The following PTPRG variants were observed in gnomAD, a reference collection of about 807,000 sequenced individuals.
PTPRG encodes the protein protein tyrosine phosphatase receptor type G.
In PTPRG, 102 loss-of-function variants were observed where a neutral mutation model predicts 165.3. That is an observed-to-expected ratio of 0.62 (90% CI 0.53 to 0.73). The LOEUF (loss-of-function observed/expected upper bound fraction) is 0.73. Ranked by LOEUF, PTPRG falls within the 30% of genes least tolerant of loss-of-function variation. The pLI, the probability that PTPRG is intolerant of heterozygous loss-of-function variation, is 0.00. For synonymous variants in PTPRG, 675 were observed against 669.5 expected (o/e 1.01, Z -0.13); for missense variants, 1,866 against 1,861.4 (o/e 1.00, Z -0.05).
Position 61,748,932 on chromosome 3 carries a change from T to C in PTPRG, c.140T>C (p.Val47Ala). ...ALHENRHGSA[V>A]QIRRRKASGD... ...CACGAGAATAGACACGGCAGCGCAGTGCAGATCCGCAGGCGCAAGGCTTCA... is the reference window on the plus strand; with the variant it reads ...CACGAGAATAGACACGGCAGCGCAGCGCAGATCCGCAGGCGCAAGGCTTCA... The change falls in exon 2 of 30, where the codon GTG becomes GCG. Residue 47 changes from valine to alanine, a missense_variant. By Grantham distance (64) the Val-to-Ala change is moderately conservative. Transcript: ENST00000474889. The C allele has an allele frequency of 6.2e-7, 1 of 1,612,970 alleles. No individual in the cohort carries two copies.
At chr3:62,082,921 A>G (rs749006927) in intron 5 of PTPRG, among the ~76,000 whole-genome samples, 5 of 152,194 alleles carry the variant, frequency 3.3e-5, no homozygotes, top group Non-Finnish European at 7.3e-5. Context: ...AGGAAGGATC[A>G]CCTTTTTCTA....
At chr3:61,918,725 T>C (rs1220505833) in intron 2 of PTPRG, among the ~76,000 whole-genome samples, 1 of 152,228 alleles carries the variant, frequency 6.6e-6, no homozygotes, top group Non-Finnish European at 1.5e-5. Flanking sequence ...ACAGGTGGAC[T>C]GGGGAGCGGT....
intron 6 of PTPRG, among the ~76,000 whole-genome samples, chr3:62,144,661 C>T (rs1408991991): frequency 1.3e-5 from 2 of 152,160 alleles, no homozygotes; most frequent in East Asian, 1.9e-4. Flanking sequence ...TATCAGAACA[C>T]GTTTGATCTC....
chr3:61,568,681 G>A (rs966973124), intron 1 of PTPRG, among the ~76,000 whole-genome samples: 8 of 151,978 alleles, frequency 5.3e-5, no homozygotes, highest in Admixed American at 2.6e-4. Context: ...AGGCCCAGGC[G>A]GACGGAACAT....
chr3:62,033,456 C>T (rs1340587172), intron 4 of PTPRG, among the ~76,000 whole-genome samples: 10 of 151,238 alleles, frequency 6.6e-5, no homozygotes, highest in Non-Finnish European at 1.5e-4. Context: ...CTCAACCTCC[C>T]GGGCCCAAGT....
chr3:62,100,750 G>A (rs995482140), intron 5 of PTPRG, among the ~76,000 whole-genome samples: 9 of 152,206 alleles, frequency 5.9e-5, no homozygotes, highest in African/African-American at 1.7e-4. Context: ...TATGGAATAC[G>A]TAGCAGGAGG....
chr3:61,895,731 C>G (rs771231347), intron 2 of PTPRG, among the ~76,000 whole-genome samples: 1 of 152,102 alleles, frequency 6.6e-6, no homozygotes, highest in African/African-American at 2.4e-5. Flanking sequence ...AATGAAGTTT[C>G]CTATTTAGTG....
At position 62,203,550 on chromosome 3, in the gene PTPRG, A is replaced by G; in HGVS notation, c.1755A>G (p.Lys585=). Residue 585 remains lysine (K), a synonymous_variant, in exon 12 of 30, where the codon AAA becomes AAG. Transcript: ENST00000474889. This position sits in a 1 kb window ranked among gnomAD's most constrained non-coding sequence, Gnocchi z 6.4. ...EGTEEGEKDE[K]SESEDGEREH... is the part of the protein sequence containing the mutation. ...CCGAGGAAGGAGAGAAGGATGAGAA[A>G]AGCGAGAGTGAGGATGGGGAGCGGG... 1 of 1,553,108 alleles carries G rather than the reference A, an allele frequency of 6.4e-7. No homozygotes were observed. Among genetic ancestry groups the G allele is most frequent in the Non-Finnish European group, 8.7e-7 (1 of 1,147,580 alleles).
intron 1 of PTPRG, among the ~76,000 whole-genome samples, chr3:61,621,354 A>C (rs987935322): frequency 2.6e-5 from 4 of 152,064 alleles, no homozygotes; most frequent in Non-Finnish European, 4.4e-5. Context: ...CTTAACCTTG[A>C]AACTTTACTG....
intron 6 of PTPRG, among the ~76,000 whole-genome samples, chr3:62,147,425 C>T (rs1576062688): frequency 6.6e-6 from 1 of 152,076 alleles, no homozygotes; most frequent in East Asian, 1.9e-4. Flanking sequence ...TTGACGGGGC[C>T]CTTTGCTGTG....
At chr3:61,611,466 A>G (rs780143629) in intron 1 of PTPRG, among the ~76,000 whole-genome samples, 1 of 152,242 alleles carries the variant, frequency 6.6e-6, no homozygotes, top group East Asian at 1.9e-4. Context: ...TGGGGACTTT[A>G]TGTATGTTGT....
chr3:62,270,801 A>C (rs1391554216), intron 20 of PTPRG, among the ~76,000 whole-genome samples: 3 of 152,224 alleles, frequency 2.0e-5, no homozygotes, highest in African/African-American at 7.2e-5. Context: ...AAGTAGTTAA[A>C]ATGTAAAAAG....
intron 1 of PTPRG, among the ~76,000 whole-genome samples, chr3:61,711,235 TG>T (rs2031538087): frequency 6.6e-6 from 1 of 152,350 alleles, no homozygotes; most frequent in Non-Finnish European, 1.5e-5. Flanking sequence ...TAGACATATG[TG>T]TGCATGTGTC....
chr3:61,691,481 G>A (rs995284897), intron 1 of PTPRG, among the ~76,000 whole-genome samples: 6 of 152,162 alleles, frequency 3.9e-5, no homozygotes, highest in Non-Finnish European at 7.3e-5. Flanking sequence ...TATATATGAG[G>A]ATCAGGACCA....
At position 61,562,335 on chromosome 3, in the gene PTPRG, C is replaced by A. The variant is rs375586923; in HGVS notation, c.48C>A (p.Ile16=). The A allele has an allele frequency of 1.6e-5, 26 of 1,613,610 alleles. No homozygotes were observed. In the Middle Eastern group the frequency reaches 1.2e-3, roughly 72 times the overall value. ...EPCWWILFLK[I]TSSVLHYVVC... ...GTTGGTGGATTTTGTTCCTGAAAATCACCAGTTCCGTGCTCCATTATGTCG... is the reference window on the plus strand; with the variant it reads ...GTTGGTGGATTTTGTTCCTGAAAATAACCAGTTCCGTGCTCCATTATGTCG... Residue 16 remains isoleucine, a synonymous_variant, in exon 1 of 30, where the codon ATC becomes ATA. Coordinates refer to ENST00000474889, the MANE Select transcript of PTPRG (RefSeq NM_002841.4).
At chr3:61,901,162 C>G (rs2038489779) in intron 2 of PTPRG, among the ~76,000 whole-genome samples, 2 of 152,170 alleles carry the variant, frequency 1.3e-5, no homozygotes, top group Admixed American at 1.3e-4. Flanking sequence ...TTAAGCTCGG[C>G]TACCAATAAA....
intron 1 of PTPRG, among the ~76,000 whole-genome samples, chr3:61,659,025 T>C (rs531849172): frequency 6.6e-6 from 1 of 150,918 alleles, no homozygotes; most frequent in East Asian, 2.0e-4. Flanking sequence ...GAGCATGAGT[T>C]CGGCTGTTTT....
chr3:61,962,106 C>T (rs2040165985), intron 2 of PTPRG, among the ~76,000 whole-genome samples: 1 of 152,160 alleles, frequency 6.6e-6, no homozygotes, highest in Admixed American at 6.5e-5. Context: ...GTCAATATAT[C>T]TGACACCTTA....
At chr3:61,970,663 T>A (rs2107658120) in intron 2 of PTPRG, among the ~76,000 whole-genome samples, 1 of 146,098 alleles carries the variant, frequency 6.8e-6, no homozygotes, top group Non-Finnish European at 1.5e-5. Context: ...GATTTTTTTT[T>A]AAGTGGATGT....
Sources: allele counts gnomAD v4.1 joint callset (sites outside exome capture counted in the v4.1 genomes callset), GRCh38; gene constraint gnomAD v4.1.1; non-coding constraint Gnocchi (gnomAD v3.1); transcripts MANE v1.5; gene names NCBI Gene and HGNC (gene_info 2026-07-23, HGNC 2026-07-21).